PERP: variants seen among roughly 807,000 people sequenced by gnomAD.
PERP encodes p53 apoptosis effector related to PMP22.
A neutral mutation model predicts 20.3 loss-of-function variants in PERP; 11 were observed. That is an observed-to-expected ratio of 0.54 (90% CI 0.34 to 0.90). PERP has a LOEUF of 0.90. Among genes scored for constraint, PERP ranks in the 40% least tolerant of loss-of-function variants. The pLI, the probability that PERP is intolerant of heterozygous loss-of-function variation, is 0.02. For missense variants in PERP, 224 were observed against 249.4 expected, an observed-to-expected ratio of 0.90 and a Z score of 0.69; for synonymous variants, 101 against 102.0, an observed-to-expected ratio of 0.99 and a Z score of 0.06.
chr6:138,101,816 T>A (rs1165355833), intron 1 of PERP, among the ~76,000 whole-genome samples: 1 of 152,240 alleles, frequency 6.6e-6, no homozygotes. Flanking sequence ...AAATATAGTT[T>A]TGCATAGTCA....
At position 138,098,369 on chromosome 6, in the gene PERP, C is replaced by T. The variant is rs146386260; in HGVS notation, c.215-1875G>A. Reference sequence around the variant, plus strand: ...TTGGAGCTGCTGGACCTCGTTTGGACCCTGCCTCTGCCCCTGTTGGCCATA... The same window carrying T: ...TTGGAGCTGCTGGACCTCGTTTGGATCCTGCCTCTGCCCCTGTTGGCCATA... On this transcript the variant is annotated intron_variant, in intron 1 of 2. Coordinates refer to ENST00000421351, the MANE Select transcript of PERP (RefSeq NM_022121.5). Among the ~76,000 whole-genome samples the T allele has an allele frequency of 5.3e-5, 8 of 152,162 alleles. No homozygotes were observed. The East Asian group carries it at 1.4e-3, about 26-fold the overall frequency.
rs1775698647 is a variant in PERP, at chr6:138,096,564, T to C, written c.215-70A>G. 5.7e-5 allele frequency: 85 copies of C among 1,494,574 alleles called. 1 individual carries two copies. The South Asian group carries it at 1.1e-3, about 20-fold the overall frequency. 92.6% of individuals were successfully genotyped at this position (1,494,574 alleles called of 1,614,324 possible). ...AGTTTAAAAATTACTTATCACAGTA[T>C]CAACATGGTTTTGGGCTTTTTTTCC... On this transcript the variant is annotated intron_variant, in intron 1 of 2. Coordinates refer to ENST00000421351, the MANE Select transcript of PERP (RefSeq NM_022121.5).
chr6:138,095,857 G>C (rs758092525), intron 2 of PERP, among the ~76,000 whole-genome samples: 5 of 152,200 alleles, frequency 3.3e-5, no homozygotes, highest in Admixed American at 1.3e-4. Context: ...CAGGCACCAT[G>C]CTGCAGATTC....
rs960303646 is a variant in PERP at position 138,089,786 on chromosome 6, T to C, written c.*2256A>G. The C allele has an allele frequency of 6.6e-6, 1 of 152,192 alleles. No homozygotes were observed. Among genetic ancestry groups the C allele is most frequent in the Non-Finnish European group, 1.5e-5 (1 of 68,038 alleles). 9.4% of individuals were successfully genotyped at this position (152,192 alleles called of 1,614,324 possible). A position where few individuals can be genotyped will look rare whatever the true frequency, so the allele number is the denominator to read the frequency against. On this transcript the variant is annotated 3_prime_UTR_variant, in exon 3 of 3. Coordinates refer to ENST00000421351, the MANE Select transcript of PERP (RefSeq NM_022121.5). ...AAGGAAGCAGACCATTTCTGCAAAA[T>C]AAGAGTTTATCTTTGTCATAAATAC...
intron 1 of PERP, among the ~76,000 whole-genome samples, chr6:138,098,715 G>A (rs1775733433): frequency 6.6e-6 from 1 of 152,062 alleles, no homozygotes; most frequent in Admixed American, 6.5e-5. Context: ...AGATTCATGA[G>A]TGACTGGGGC....
intron 1 of PERP, among the ~76,000 whole-genome samples, chr6:138,106,607 A>C (rs1330599476): frequency 6.6e-6 from 1 of 152,246 alleles, no homozygotes; most frequent in Non-Finnish European, 1.5e-5. Context: ...GTAGACTGAA[A>C]TATCTATTGA....
chr6:138,104,798 G>A (rs779869615), intron 1 of PERP, among the ~76,000 whole-genome samples: 1 of 152,140 alleles, frequency 6.6e-6, no homozygotes, highest in Non-Finnish European at 1.5e-5. Flanking sequence ...TGCATACGTG[G>A]GAGTGTGTGT....
At position 138,092,236 on chromosome 6, in the gene PERP, G is replaced by T; in HGVS notation, c.388C>A (p.Pro130Thr). 6.2e-7 allele frequency: 1 copy of T among 1,613,876 alleles called. No homozygotes were observed. Residue 130 changes from proline to threonine, a missense_variant, in exon 3 of 3, where the codon CCC (proline) becomes ACC (threonine). By Grantham distance (38) the Pro-to-Thr change is conservative. Transcript: ENST00000421351. Reference sequence around the variant, plus strand: ...GTGAAGGTCTGGGTGTACTTCACGGGGTAAATTACCAGGGAGATGATCTGG... The same window carrying T: ...GTGAAGGTCTGGGTGTACTTCACGGTGTAAATTACCAGGGAGATGATCTGG... Reference protein sequence around the residue: ...VFQIISLVIYPVKYTQTFTLH... With the variant: ...VFQIISLVIYTVKYTQTFTLH...
intron 1 of PERP, among the ~76,000 whole-genome samples, chr6:138,099,116 C>T (rs541430074): frequency 6.6e-6 from 1 of 152,294 alleles, no homozygotes; most frequent in African/African-American, 2.4e-5. Context: ...AGCAGTAGTG[C>T]TCCTTAAAAT....
Position 138,089,656 on chromosome 6 carries a change from C to G in PERP, c.*2386G>C, listed in dbSNP as rs973618368. Reference sequence around the variant, plus strand: ...TTTCTCAGCCCAATTCTTCATTACTCTCCAGAATCCTCTGGAACTTCCCTT... The same window carrying G: ...TTTCTCAGCCCAATTCTTCATTACTGTCCAGAATCCTCTGGAACTTCCCTT... On this transcript the variant is annotated 3_prime_UTR_variant, in exon 3 of 3. Transcript: ENST00000421351. The G allele has an allele frequency of 6.6e-6, 1 of 152,208 alleles. No homozygotes were observed. The highest frequency in any genetic ancestry group is 1.5e-5 in the Non-Finnish European group (1 of 68,040). 9.4% of individuals were successfully genotyped at this position (152,208 alleles called of 1,614,324 possible). A position where few individuals can be genotyped will look rare whatever the true frequency, so the allele number is the denominator to read the frequency against.
intron 2 of PERP, among the ~76,000 whole-genome samples, chr6:138,095,565 T>C (rs974283591): frequency 1.3e-5 from 2 of 152,188 alleles, no homozygotes; most frequent in Non-Finnish European, 1.5e-5. Context: ...AAGCCTAAAC[T>C]GGTAAGAAAT....
chr6:138,096,848 G>C (rs1775702156), intron 1 of PERP, among the ~76,000 whole-genome samples: 1 of 152,158 alleles, frequency 6.6e-6, no homozygotes, highest in Non-Finnish European at 1.5e-5. Context: ...GACACAACGT[G>C]ATCATAATAA....
chr6:138,094,754 C>T (rs188424732), intron 2 of PERP, among the ~76,000 whole-genome samples: 329 of 152,272 alleles, frequency 2.2e-3, no homozygotes, highest in Non-Finnish European at 3.2e-3. Context: ...TGGAGTCTTG[C>T]TCTGTCACCC....
intron 1 of PERP, 67 bp from the exon 2 acceptor site, chr6:138,096,561 G>C: frequency 6.6e-7 from 1 of 1,506,274 alleles, no homozygotes; most frequent in Non-Finnish European, 8.9e-7. Flanking sequence ...ACTTATCACA[G>C]TATCAACATG....
Position 138,104,828 on chromosome 6 carries a change from AGAT to A in PERP, c.214+2296_214+2298del, listed in dbSNP as rs559923222. On this transcript the variant is annotated intron_variant, in intron 1 of 2. Coordinates refer to ENST00000421351, the MANE Select transcript of PERP (RefSeq NM_022121.5). ...GTGTGTAAACTGCTTACTTCATTTT[AGAT>A]AAAGTACAAGCTCATGTAAATATAT... is the stretch of plus-strand genomic sequence containing the variant. Among the ~76,000 whole-genome samples the A allele has an allele frequency of 2.7e-4, 41 of 152,340 alleles. No homozygotes were observed. In the South Asian group the frequency reaches 8.3e-3, roughly 31 times the overall value.
chr6:138,092,142 A>C lies in PERP; in HGVS notation c.482T>G (p.Ile161Ser). ...WAYGFGWAAT[I>S]ILIGCAFFFC... ...GAAGAAGGCACAGCCAATCAGGATA[A>C]TCGTGGCTGCCCACCCAAAGCCGTA... Residue 161 changes from isoleucine (I) to serine (S), a missense_variant, in exon 3 of 3, where the codon ATT (isoleucine) becomes AGT (serine). Ile to Ser is a moderately radical substitution (Grantham distance 142, BLOSUM62 -2). Coordinates refer to ENST00000421351, the MANE Select transcript of PERP (RefSeq NM_022121.5). 6.2e-7 allele frequency: 1 copy of C among 1,614,098 alleles called. No homozygotes were observed. Among genetic ancestry groups the C allele is most frequent in the Non-Finnish European group, 8.5e-7 (1 of 1,179,992 alleles).
At chr6:138,096,552 C>T in intron 1 of PERP, 58 bp from the exon 2 acceptor site, 1 of 1,542,622 alleles carries the variant, frequency 6.5e-7, no homozygotes, top group African/African-American at 1.4e-5. Flanking sequence ...TTAAAAATTA[C>T]TTATCACAGT....
intron 1 of PERP, among the ~76,000 whole-genome samples, chr6:138,105,901 A>G (rs1298356849): frequency 1.3e-5 from 2 of 152,220 alleles, no homozygotes; most frequent in Admixed American, 6.5e-5. Context: ...GAAAACACAC[A>G]AACTGCAAAG....
chr6:138,105,036 G>A (rs533713153), intron 1 of PERP, among the ~76,000 whole-genome samples: 26 of 152,284 alleles, frequency 1.7e-4, no homozygotes, highest in Admixed American at 2.6e-4. Flanking sequence ...TGGCTACAAC[G>A]GCCAGAGGTA....
Sources: allele counts gnomAD v4.1 joint callset (sites outside exome capture counted in the v4.1 genomes callset), GRCh38; gene constraint gnomAD v4.1.1; transcripts MANE v1.5; gene names NCBI Gene and HGNC (gene_info 2026-07-23, HGNC 2026-07-21).